The following EPHX2 variants were observed in gnomAD, a reference collection of about 807,000 sequenced individuals.
EPHX2 encodes the protein epoxide hydrolase 2.
EPHX2 carries 74 observed loss-of-function variants against 78.7 expected under a neutral mutation model. That is an observed-to-expected ratio of 0.94 (90% CI 0.78 to 1.14). The LOEUF is 1.14. Among genes scored for constraint, EPHX2 ranks in the 50% most tolerant of loss-of-function variants. The pLI, the probability that EPHX2 is intolerant of heterozygous loss-of-function variation, is 0.00. For synonymous variants in EPHX2, 251 were observed against 255.2 expected (o/e 0.98, Z 0.16); for missense variants, 715 against 702.5 (o/e 1.02, Z -0.20).
At position 27,529,885 on chromosome 8, in the gene EPHX2, T is replaced by C. The variant is rs576293576; in HGVS notation, c.1170+4412T>C. ...GACATCGCAGTACTGCACTCCAGCCTGAGCAAAAAAAAAAAAAAGAAAAAG... is the reference window on the plus strand; with the variant it reads ...GACATCGCAGTACTGCACTCCAGCCCGAGCAAAAAAAAAAAAAAGAAAAAG... On this transcript the variant is annotated intron_variant, in intron 12 of 18. Transcript: ENST00000521400. Among the ~76,000 whole-genome samples, 166 of 121,576 alleles carry C rather than the reference T, an allele frequency of 1.4e-3. 3 individuals carry two copies. In the East Asian group the frequency reaches 0.034, roughly 25 times the overall value. The allele number at this position is 121,576 out of a possible 152,430, so 79.8% of individuals were successfully genotyped here.
At chr8:27,494,868 G>A (rs891116872) in intron 1 of EPHX2, among the ~76,000 whole-genome samples, 2 of 152,232 alleles carry the variant, frequency 1.3e-5, no homozygotes, top group African/African-American at 4.8e-5. Flanking sequence ...CACCTGGAGG[G>A]GAGAAAACTA....
At chr8:27,526,479 T>G (rs1408532349) in intron 12 of EPHX2, among the ~76,000 whole-genome samples, 2 of 152,102 alleles carry the variant, frequency 1.3e-5, no homozygotes, top group East Asian at 3.9e-4. Flanking sequence ...GAAAGCACAA[T>G]GTCCTTCATT....
intron 11 of EPHX2, among the ~76,000 whole-genome samples, chr8:27,525,118 G>C (rs559664199): frequency 6.6e-6 from 1 of 151,144 alleles, no homozygotes; most frequent in Non-Finnish European, 1.5e-5. Flanking sequence ...GCGCGCGCGC[G>C]CGCGCACCTA....
chr8:27,491,338 T>C, intron 1 of EPHX2, 29 bp downstream of exon 1: 2 of 1,443,270 alleles, frequency 1.4e-6, no homozygotes, highest in Non-Finnish European at 1.8e-6. Context: ...GCCGCCGCAG[T>C]GGGTCGGGGC....
chr8:27,524,548 A>G (rs1814757673), intron 11 of EPHX2, among the ~76,000 whole-genome samples: 1 of 151,998 alleles, frequency 6.6e-6, no homozygotes. Flanking sequence ...TTATTTCCCA[A>G]CATATTCCAT....
At chr8:27,513,764 T>C (rs1337587925) in intron 6 of EPHX2, among the ~76,000 whole-genome samples, 2 of 152,192 alleles carry the variant, frequency 1.3e-5, no homozygotes, top group Non-Finnish European at 2.9e-5. Flanking sequence ...AGCTTCATGA[T>C]GAGATGATAA....
At chr8:27,538,942 A>T in intron 14 of EPHX2, 1 of 524,052 alleles carries the variant, frequency 1.9e-6, no homozygotes, top group Non-Finnish European at 3.4e-6. Flanking sequence ...GGAGTCTTAG[A>T]GCTTGTCCAG....
chr8:27,517,841 A>G (rs1223550904), intron 8 of EPHX2, among the ~76,000 whole-genome samples, 197 bp from the exon 9 acceptor site: 1 of 152,210 alleles, frequency 6.6e-6, no homozygotes. Flanking sequence ...TCACAGATGG[A>G]TATGACATCA....
intron 6 of EPHX2, among the ~76,000 whole-genome samples, chr8:27,514,913 A>C (rs538776927): frequency 6.6e-6 from 1 of 152,268 alleles, no homozygotes; most frequent in South Asian, 2.1e-4. Flanking sequence ...CGTAGCCCCC[A>C]AAAAGACTAT....
At chr8:27,517,978 A>G in intron 8 of EPHX2, 60 bp from the exon 9 acceptor site, 2 of 1,358,320 alleles carry the variant, frequency 1.5e-6, no homozygotes, top group East Asian at 2.4e-5. Context: ...GGTCCTTTTG[A>G]TGTGTTGATA....
chr8:27,540,465 A>G, intron 14 of EPHX2, 89 bp from the exon 15 acceptor site: 2 of 1,119,780 alleles, frequency 1.8e-6, no homozygotes, highest in South Asian at 1.3e-5. Context: ...GCAAGTTCAG[A>G]TGGTCTGCGA....
chr8:27,515,823 C>A lies in EPHX2; in HGVS notation c.831+10C>A, dbSNP rs1286228879. On this transcript the variant is annotated intron_variant, in intron 7 of 18. Coordinates refer to ENST00000521400, the MANE Select transcript of EPHX2 (RefSeq NM_001979.6). ...TTCTTGGAGGTACCAGGTGAGAAAG[C>A]TGGGGAAGATGCAGCCAGTCAGGGT... is the stretch of plus-strand genomic sequence containing the variant. The A allele has an allele frequency of 1.9e-6, 3 of 1,612,546 alleles. No homozygotes were observed. The highest frequency in any genetic ancestry group is 1.7e-6 in the Non-Finnish European group (2 of 1,178,900).
Position 27,495,413 on chromosome 8 carries a change from G to A in EPHX2, c.101+4104G>A, listed in dbSNP as rs1813536945. On this transcript the variant is annotated intron_variant, in intron 1 of 18. Coordinates refer to ENST00000521400, the MANE Select transcript of EPHX2 (RefSeq NM_001979.6). ...CAAATGAACTTCCATTGGTATATAG[G>A]TTAAGGTCAGGATTAGCTAAGGGGA... is the stretch of plus-strand genomic sequence containing the variant. Among the ~76,000 whole-genome samples the A allele has an allele frequency of 1.3e-5, 2 of 152,112 alleles. 1 individual carries two copies. Among genetic ancestry groups the A allele is most frequent in the African/African-American group, 4.8e-5 (2 of 41,422 alleles).
At chr8:27,519,469 A>G (rs563527089) in intron 9 of EPHX2, among the ~76,000 whole-genome samples, 79 of 152,358 alleles carry the variant, frequency 5.2e-4, no homozygotes, top group Non-Finnish European at 1.1e-3. Context: ...TCTACAGGGC[A>G]GCTGTCTTCC....
At chr8:27,533,830 C>T (rs1009239126) in intron 12 of EPHX2, among the ~76,000 whole-genome samples, 3 of 152,164 alleles carry the variant, frequency 2.0e-5, no homozygotes, top group African/African-American at 7.2e-5. Context: ...CCTCAAAGTC[C>T]TCCTGCCTGG....
chr8:27,512,114 A>AAAG, intron 6 of EPHX2: 2 of 533,224 alleles, frequency 3.8e-6, no homozygotes, highest in African/African-American at 1.9e-5. Flanking sequence ...AAAAAAAAAA[A>AAAG]AAAAGGACCA....
intron 1 of EPHX2, chr8:27,492,791 T>G (rs1221647423): frequency 6.5e-6 from 1 of 154,474 alleles, no homozygotes; most frequent in Non-Finnish European, 1.4e-5. Context: ...AGAGCGCTGA[T>G]TGGTGCATTT....
downstream of EPHX2, among the ~76,000 whole-genome samples, chr8:27,546,806 G>A (rs1032096376): frequency 2.0e-5 from 3 of 152,126 alleles, no homozygotes; most frequent in South Asian, 2.1e-4. Flanking sequence ...GGGCTGTATC[G>A]GTCTGTTCTC....
At chr8:27,525,120 G>GCA (rs1471032554) in intron 11 of EPHX2, among the ~76,000 whole-genome samples, 4 of 151,366 alleles carry the variant, frequency 2.6e-5, no homozygotes. Context: ...GCGCGCGCGC[G>GCA]CGCACCTATG....
Sources: gnomAD v4.1 joint callset for allele counts (sites outside exome capture counted in the v4.1 genomes callset) on GRCh38, gnomAD v4.1.1 for gene constraint, MANE v1.5 for transcripts, NCBI Gene and HGNC (gene_info 2026-07-23, HGNC 2026-07-21) for gene names.